SCN8A: variants seen among roughly 807,000 people sequenced by gnomAD.
SCN8A encodes sodium voltage-gated channel alpha subunit 8.
In SCN8A, 30 loss-of-function variants were observed where a neutral mutation model predicts 184.1. The ratio of observed to expected loss-of-function variants is 0.16; its 90% CI spans 0.12 to 0.22. SCN8A has a LOEUF of 0.22. SCN8A is among the 10% of genes least tolerant of loss of function. The probability of loss-of-function intolerance (pLI) is 1.00; values close to 1 mark genes in which losing one functional copy is unlikely to be tolerated. For missense variants in SCN8A, 1,057 were observed against 2,498.9 expected, an observed-to-expected ratio of 0.42 and a Z score of 12.30; for synonymous variants, 852 against 907.0, an observed-to-expected ratio of 0.94 and a Z score of 1.09.
intron 19 of SCN8A, among the ~76,000 whole-genome samples, chr12:51,771,476 T>G (rs1192190820): frequency 6.6e-6 from 1 of 151,640 alleles, no homozygotes; most frequent in African/African-American, 2.4e-5. Flanking sequence ...AATTCAGTGT[T>G]AAAGATTTTG....
chr12:51,756,200 C>T (rs1478301400), intron 14 of SCN8A, among the ~76,000 whole-genome samples: 1 of 152,206 alleles, frequency 6.6e-6, no homozygotes, highest in African/African-American at 2.4e-5. Flanking sequence ...CGTCACCCTG[C>T]TCATGCTGCC....
At chr12:51,727,418 C>A (rs381671) in intron 12 of SCN8A, among the ~76,000 whole-genome samples, 122,248 of 151,422 alleles carry the variant, frequency 0.81, 50,274 homozygotes, top group East Asian at 0.9. Context: ...CAAAAAAAAA[C>A]CAAAAAACAC....
chr12:51,705,386 G>A (rs1941765990), intron 9 of SCN8A, 31 bp from the exon 10 acceptor site: 8 of 1,609,190 alleles, frequency 5.0e-6, no homozygotes, highest in Non-Finnish European at 6.8e-6. Flanking sequence ...TTTGGTACAA[G>A]TGACTCAGAA....
intron 2 of SCN8A, among the ~76,000 whole-genome samples, chr12:51,664,158 A>G (rs189217086): frequency 6.6e-6 from 1 of 152,044 alleles, no homozygotes; most frequent in East Asian, 1.9e-4. Context: ...AAAGAACGGT[A>G]GATTGGAAGT....
rs1186354282 is a variant in SCN8A at position 51,807,858 on chromosome 12, A to G, written c.*429A>G. Reference sequence around the variant, plus strand: ...ATGCAAACTATATTTGCATTCTTACATTAGTTAAGCTAAGCAGCAAAAAGA... The same window carrying G: ...ATGCAAACTATATTTGCATTCTTACGTTAGTTAAGCTAAGCAGCAAAAAGA... On this transcript the variant is annotated 3_prime_UTR_variant, in exon 27 of 27. Transcript: ENST00000627620. This position sits in a 1 kb window ranked among gnomAD's most constrained non-coding sequence, Gnocchi z 4.5. 2 of 208,540 alleles carry G rather than the reference A, an allele frequency of 9.6e-6. No homozygotes were observed. Among genetic ancestry groups the G allele is most frequent in the African/African-American group, 4.7e-5 (2 of 42,796 alleles). 12.9% of individuals were successfully genotyped at this position (208,540 alleles called of 1,614,324 possible).
intron 12 of SCN8A, among the ~76,000 whole-genome samples, chr12:51,734,918 G>C (rs370205): frequency 6.6e-6 from 1 of 152,136 alleles, no homozygotes; most frequent in South Asian, 2.1e-4. Context: ...TGTCTGCAGC[G>C]CCTTTAAGCA....
At chr12:51,777,588 A>G (rs938483041) in intron 20 of SCN8A, among the ~76,000 whole-genome samples, 45 of 152,208 alleles carry the variant, frequency 3.0e-4, no homozygotes, top group African/African-American at 1.1e-3. Flanking sequence ...CTCAACTACT[A>G]AAGAATAACC....
intron 2 of SCN8A, among the ~76,000 whole-genome samples, chr12:51,679,070 C>T (rs527272641): frequency 3.6e-5 from 5 of 138,104 alleles, no homozygotes; most frequent in African/African-American, 1.1e-4. Flanking sequence ...AGCGAGGCTC[C>T]GTCTCCAAAA....
At chr12:51,591,688 C>T (rs1798555532) in intron 1 of SCN8A, among the ~76,000 whole-genome samples, 1 of 152,160 alleles carries the variant, frequency 6.6e-6, no homozygotes, top group African/African-American at 2.4e-5. Context: ...CGCGGTGCAG[C>T]CCTCCATCCC....
At chr12:51,786,923 C>A in intron 22 of SCN8A, 97 bp downstream of exon 22, 1 of 1,168,522 alleles carries the variant, frequency 8.6e-7, no homozygotes, top group Non-Finnish European at 1.2e-6. Flanking sequence ...CTTCTAGAAT[C>A]AGGATTATTC....
intron 14 of SCN8A, among the ~76,000 whole-genome samples, chr12:51,754,198 G>C (rs575919445): frequency 2.2e-4 from 34 of 152,180 alleles, no homozygotes; most frequent in African/African-American, 6.7e-4. Context: ...TTATGTAGTA[G>C]ATAAATGTAA....
intron 1 of SCN8A, among the ~76,000 whole-genome samples, chr12:51,628,256 A>G (rs1315623412): frequency 1.3e-5 from 2 of 152,190 alleles, no homozygotes; most frequent in Admixed American, 6.5e-5. Flanking sequence ...AATTTTTAAG[A>G]CTAGTTTACA....
chr12:51,614,213 C>T (rs1294811693), intron 1 of SCN8A, among the ~76,000 whole-genome samples: 1 of 151,886 alleles, frequency 6.6e-6, no homozygotes, highest in East Asian at 1.9e-4. Flanking sequence ...GTGGATTTGT[C>T]CATTTTATCC....
chr12:51,675,162 G>A (rs1941202076), intron 2 of SCN8A, among the ~76,000 whole-genome samples: 1 of 152,344 alleles, frequency 6.6e-6, no homozygotes, highest in East Asian at 1.9e-4. Context: ...GGACAACAAG[G>A]AAGAATGGCC....
chr12:51,597,857 A>T (rs1939382275), intron 1 of SCN8A, among the ~76,000 whole-genome samples: 3 of 152,166 alleles, frequency 2.0e-5, no homozygotes, highest in Admixed American at 2.0e-4. Context: ...TCAATTAAGG[A>T]TAATGCAACA....
At chr12:51,652,843 C>G (rs1429712409) in intron 1 of SCN8A, among the ~76,000 whole-genome samples, 1 of 152,160 alleles carries the variant, frequency 6.6e-6, no homozygotes, top group Non-Finnish European at 1.5e-5. Context: ...CCATACTGTA[C>G]TTTGCCTGTT....
At chr12:51,611,682 C>T (rs895194363) in intron 1 of SCN8A, among the ~76,000 whole-genome samples, 1 of 151,902 alleles carries the variant, frequency 6.6e-6, no homozygotes, top group African/African-American at 2.4e-5. Flanking sequence ...TTAGTAGAGA[C>T]AGGGTTTCAC....
At chr12:51,708,095 G>T (rs896338396) in intron 11 of SCN8A, among the ~76,000 whole-genome samples, 2 of 152,162 alleles carry the variant, frequency 1.3e-5, no homozygotes, top group Non-Finnish European at 2.9e-5. Flanking sequence ...CAATCTTCAT[G>T]TTCTAAAACA....
intron 11 of SCN8A, chr12:51,713,298 A>T: frequency 9.0e-7 from 1 of 1,112,412 alleles, no homozygotes; most frequent in Admixed American, 1.7e-5. Flanking sequence ...GTTCCACTAC[A>T]TGCCCATCAA....
Sources: allele counts gnomAD v4.1 joint callset (sites outside exome capture counted in the v4.1 genomes callset), GRCh38; gene constraint gnomAD v4.1.1; non-coding constraint Gnocchi (gnomAD v3.1); transcripts MANE v1.5; gene names NCBI Gene and HGNC (gene_info 2026-07-23, HGNC 2026-07-21).